Variants in POTEE observed in about 807,000 individuals in gnomAD.
The protein encoded by POTEE is ANKRD26-like family C member 1A.
POTEE carries 21 observed loss-of-function variants against 74.2 expected under a neutral mutation model. The ratio of observed to expected loss-of-function variants is 0.28; its 90% CI spans 0.20 to 0.41. The LOEUF (loss-of-function observed/expected upper bound fraction) is 0.41, where lower values mean the gene tolerates loss of function less well. Ranked by LOEUF, POTEE falls within the 10% of genes least tolerant of loss-of-function variation. POTEE has a pLI of 1.00. For synonymous variants in POTEE, 211 were observed against 432.8 expected (o/e 0.49, Z 6.36); for missense variants, 525 against 1,158.6 (o/e 0.45, Z 7.94).
At chr2:131,229,737 A>G (rs1573712819) in intron 8 of POTEE, 1 of 152,278 alleles carries the variant, frequency 6.6e-6, no homozygotes, top group South Asian at 2.1e-4. Context: ...AGGTCATTTG[A>G]CTATTTGCTG....
chr2:131,235,902 T>G (rs1701118352), intron 9 of POTEE, among the ~76,000 whole-genome samples: 1 of 151,554 alleles, frequency 6.6e-6, no homozygotes, highest in African/African-American at 2.4e-5. Flanking sequence ...AAGGTGTCAG[T>G]AGTAATTTTT....
rs1171478564 is a variant in POTEE at position 131,263,943 on chromosome 2, C to G, written c.2488C>G (p.Pro830Ala). ...GATCATGTTTGAGACCTTCAACACC[C>G]CAGCCATGTACGTGGCCATCCAGGC... ...TQIMFETFNT[P>A]AMYVAIQAVP... The change falls in exon 18 of 18, where the codon CCA (proline) becomes GCA (alanine). Residue 830 changes from proline to alanine, a missense_variant. Physicochemically the swap from Pro to Ala is conservative, Grantham distance 27 (BLOSUM62 -1). Transcript: ENST00000683005. 10 of 1,614,096 alleles carry G rather than the reference C, an allele frequency of 6.2e-6. No individual in the cohort carries two copies.
intron 6 of POTEE, among the ~76,000 whole-genome samples, chr2:131,225,517 G>C (rs540105814): frequency 6.8e-6 from 1 of 146,078 alleles, no homozygotes; most frequent in African/African-American, 2.5e-5. Context: ...GAAGAGTTGG[G>C]GTTGGATATG....
intron 2 of POTEE, among the ~76,000 whole-genome samples, chr2:131,212,846 G>T (rs1700385907): frequency 6.6e-6 from 1 of 151,100 alleles, no homozygotes. Flanking sequence ...TTGGAGGTGT[G>T]AGCCACCACG....
intron 4 of POTEE, among the ~76,000 whole-genome samples, chr2:131,221,090 C>T (rs945274095): frequency 7.2e-5 from 11 of 152,060 alleles, no homozygotes; most frequent in African/African-American, 2.4e-4. Flanking sequence ...CAAACAAACA[C>T]TTTAGTGGTA....
chr2:131,233,500 T>A (rs1701028614), intron 9 of POTEE, among the ~76,000 whole-genome samples: 1 of 151,858 alleles, frequency 6.6e-6, no homozygotes, highest in African/African-American at 2.4e-5. Context: ...AGTTTCCTTG[T>A]CATACATCCT....
chr2:131,236,813 TTTTAAA>T lies in POTEE; in HGVS notation c.1197+21_1197+26del. ...AATAGCCAGCCAGAGGCATGGGAAA[TTTTAAA>T]TTTAAATTTTTGATTTAATGTTGTT... On this transcript the variant is annotated intron_variant, in intron 10 of 17. Coordinates refer to ENST00000683005, the MANE Select transcript of POTEE (RefSeq NM_001083538.3). 1 of 1,072,336 alleles carries T rather than the reference TTTTAAA, an allele frequency of 9.3e-7. No individual in the cohort carries two copies. The highest frequency in any genetic ancestry group is 1.9e-5 in the African/African-American group (1 of 51,810). 66.4% of individuals were successfully genotyped at this position (1,072,336 alleles called of 1,614,324 possible). A position where few individuals can be genotyped will look rare whatever the true frequency, so the allele number is the denominator to read the frequency against.
At chr2:131,215,317 G>A (rs543473839) in intron 2 of POTEE, among the ~76,000 whole-genome samples, 1 of 152,194 alleles carries the variant, frequency 6.6e-6, no homozygotes, top group South Asian at 2.1e-4. Flanking sequence ...GTCACTTACA[G>A]AATATACAAT....
At chr2:131,229,455 A>G (rs1315641727) in intron 8 of POTEE, among the ~76,000 whole-genome samples, 3 of 152,148 alleles carry the variant, frequency 2.0e-5, no homozygotes, top group Non-Finnish European at 2.9e-5. Flanking sequence ...AGCTACTTCC[A>G]TCTCTAGCTC....
chr2:131,263,680 G>A lies in POTEE; in HGVS notation c.2225G>A (p.Gly742Asp). 1.9e-6 allele frequency: 3 copies of A among 1,603,464 alleles called. No individual in the cohort carries two copies. The highest frequency in any genetic ancestry group is 1.1e-5 in the South Asian group (1 of 90,532). The change falls in exon 18 of 18, where the codon GGC becomes GAC. Residue 742 changes from glycine (G) to aspartate (D), a missense_variant. Coordinates refer to ENST00000683005, the MANE Select transcript of POTEE (RefSeq NM_001083538.3). ...PSIVGRPRQQ[G>D]MMGGMHQKES... ...ATCGTGGGGCGCCCCAGGCAGCAGGGCATGATGGGGGGCATGCATCAGAAA... is the reference window on the plus strand; with the variant it reads ...ATCGTGGGGCGCCCCAGGCAGCAGGACATGATGGGGGGCATGCATCAGAAA...
intron 4 of POTEE, among the ~76,000 whole-genome samples, chr2:131,221,159 T>A (rs895227081): frequency 3.3e-5 from 5 of 152,148 alleles, no homozygotes; most frequent in Admixed American, 2.0e-4. Context: ...TACTGAAATA[T>A]CTTTACCAAA....
At chr2:131,220,674 A>G (rs529793009) in intron 4 of POTEE, among the ~76,000 whole-genome samples, 4 of 152,136 alleles carry the variant, frequency 2.6e-5, no homozygotes, top group Non-Finnish European at 2.9e-5. Context: ...TAGAAGAGGA[A>G]TGAAAGGCCG....
intron 2 of POTEE, among the ~76,000 whole-genome samples, chr2:131,213,217 G>T (rs1258269096): frequency 6.6e-6 from 1 of 152,062 alleles, no homozygotes; most frequent in South Asian, 2.1e-4. Flanking sequence ...CACCTCGGTC[G>T]GCTGTGTGTA....
At chr2:131,224,887 C>G (rs971329210) in intron 6 of POTEE, among the ~76,000 whole-genome samples, 72 of 152,054 alleles carry the variant, frequency 4.7e-4, no homozygotes, top group Non-Finnish European at 9.3e-4. Flanking sequence ...AGAGTCTCAG[C>G]TCTGCTTTCA....
rs1178715690 is a variant in POTEE, at chr2:131,263,892, A to G, written c.2437A>G (p.Lys813Glu). ...GCTGACCGAGGCCCCCCTGAACCCC[A>G]AGGCCAACCGCGAGAAGATGACCCA... The part of the protein sequence containing the change: ...ILLTEAPLNP[K>E]ANREKMTQIM... Residue 813 changes from lysine (K) to glutamate (E), a missense_variant, in exon 18 of 18, where the codon AAG becomes GAG. Lys to Glu is a moderately conservative substitution (Grantham distance 56, BLOSUM62 1). Coordinates refer to ENST00000683005, the MANE Select transcript of POTEE (RefSeq NM_001083538.3). 1 of 1,614,120 alleles carries G rather than the reference A, an allele frequency of 6.2e-7. No individual in the cohort carries two copies. The highest frequency in any genetic ancestry group is 8.5e-7 in the Non-Finnish European group (1 of 1,180,004).
At position 131,219,736 on chromosome 2, in the gene POTEE, CA is replaced by C. The variant is rs1218447808; in HGVS notation, c.521+829del. Among the ~76,000 whole-genome samples, 166 of 136,368 alleles carry C rather than the reference CA, an allele frequency of 1.2e-3. 1 individual carries two copies. The highest frequency in any genetic ancestry group is 1.1e-3 in the African/African-American group (35 of 33,316). 89.5% of individuals were successfully genotyped at this position (136,368 alleles called of 152,430 possible). A position where few individuals can be genotyped will look rare whatever the true frequency, so the allele number is the denominator to read the frequency against. On this transcript the variant is annotated intron_variant, in intron 4 of 17. Transcript: ENST00000683005. ...TGGGCGACAGAGCGAGACTCCCTTTCAAAAAAAAAAAAAAAAGATGGGAGCT... is the reference window on the plus strand; with the variant it reads ...TGGGCGACAGAGCGAGACTCCCTTTCAAAAAAAAAAAAAAAGATGGGAGCT...
At chr2:131,220,838 G>C (rs1053598782) in intron 4 of POTEE, among the ~76,000 whole-genome samples, 11 of 151,776 alleles carry the variant, frequency 7.2e-5, no homozygotes, top group African/African-American at 2.7e-4. Context: ...GCACACACCT[G>C]TAATCCCAGC....
chr2:131,219,488 C>T (rs1445323768), intron 4 of POTEE, among the ~76,000 whole-genome samples: 1 of 152,074 alleles, frequency 6.6e-6, no homozygotes, highest in African/African-American at 2.4e-5. Context: ...CGCCTGTAAT[C>T]CCAGCACTTT....
chr2:131,215,380 A>G (rs1358207870), intron 2 of POTEE, among the ~76,000 whole-genome samples: 1 of 152,206 alleles, frequency 6.6e-6, no homozygotes, highest in African/African-American at 2.4e-5. Flanking sequence ...TGGCTTTACA[A>G]TAACTTAGAA....
Sources: gnomAD v4.1 joint callset for allele counts (sites outside exome capture counted in the v4.1 genomes callset) on GRCh38, gnomAD v4.1.1 for gene constraint, MANE v1.5 for transcripts, NCBI Gene and HGNC (gene_info 2026-07-23, HGNC 2026-07-21) for gene names.